Variants in PCDH15 observed in about 807,000 individuals in gnomAD.
PCDH15 encodes the protein protocadherin related 15.
PCDH15 carries 129 observed loss-of-function variants against 178.5 expected under a neutral mutation model. The observed-to-expected ratio is 0.72, with a 90% CI of 0.63 to 0.84. PCDH15 has a LOEUF of 0.84. PCDH15 is among the 40% of genes least tolerant of loss of function. The probability of loss-of-function intolerance (pLI) is 0.00; values close to 1 mark genes in which losing one functional copy is unlikely to be tolerated. For missense variants in PCDH15, 2,230 were observed against 2,099.9 expected (o/e 1.06, Z -1.21); for synonymous variants, 800 against 732.0 (o/e 1.09, Z -1.50).
chr10:55,015,527 T>G (rs1056131128), intron 2 of PCDH15, among the ~76,000 whole-genome samples: 3 of 152,204 alleles, frequency 2.0e-5, no homozygotes, highest in African/African-American at 7.2e-5. Flanking sequence ...TAAGCGAGGA[T>G]AGGTCCAATT....
At chr10:54,030,065 T>C (rs574921783) in intron 18 of PCDH15, among the ~76,000 whole-genome samples, 1 of 152,252 alleles carries the variant, frequency 6.6e-6, no homozygotes, top group Non-Finnish European at 1.5e-5. Flanking sequence ...GAAAATTTTA[T>C]GACAAAAATC....
In PCDH15 at chr10:54,433,210, A is replaced by C. The variant is rs546262740; in HGVS notation, c.158-54268T>G. Among the ~76,000 whole-genome samples, 11 of 152,228 alleles carry C rather than the reference A, an allele frequency of 7.2e-5. No homozygotes were observed. The South Asian group carries it at 2.3e-3, about 32-fold the overall frequency. ...GAGCCACCACATGACCCAGAAATTC[A>C]AATTTTAGGTATAAACACAAAAGAA... On this transcript the variant is annotated intron_variant, in intron 3 of 37. Coordinates refer to ENST00000644397, the MANE Select transcript of PCDH15 (RefSeq NM_001384140.1).
At chr10:55,316,989 C>T (rs1467603505) in intron 1 of PCDH15, among the ~76,000 whole-genome samples, 1 of 152,096 alleles carries the variant, frequency 6.6e-6, no homozygotes, top group South Asian at 2.1e-4. Context: ...CATCTTTACC[C>T]ATATAAATCA....
chr10:53,810,846 G>C (rs2075838413), intron 36 of PCDH15, among the ~76,000 whole-genome samples, 182 bp from the exon 37 acceptor site: 1 of 152,066 alleles, frequency 6.6e-6, no homozygotes, highest in African/African-American at 2.4e-5. Flanking sequence ...CTGATGACCA[G>C]TGATTTTTGC....
chr10:54,249,725 G>A (rs2056306234), intron 8 of PCDH15, among the ~76,000 whole-genome samples: 1 of 151,598 alleles, frequency 6.6e-6, no homozygotes. Flanking sequence ...TGAAAATTAT[G>A]TGAATATCAA....
At chr10:55,571,041 C>T (rs1842399304) in intron 2 of PCDH15, among the ~76,000 whole-genome samples, 1 of 152,046 alleles carries the variant, frequency 6.6e-6, no homozygotes, top group African/African-American at 2.4e-5. Flanking sequence ...CTGTGATCCC[C>T]AGGTCCGTTG....
Position 54,887,628 on chromosome 10 carries a change from C to T in PCDH15, c.-29+9822G>A, listed in dbSNP as rs1954381715. Reference sequence around the variant, plus strand: ...ATGAGAATAAATTATAAACTATTCTCTATTAGATATAATTAAGAAGAAATG... The same window carrying T: ...ATGAGAATAAATTATAAACTATTCTTTATTAGATATAATTAAGAAGAAATG... On this transcript the variant is annotated intron_variant, in intron 3 of 5. Transcript: ENST00000458638. Among the ~76,000 whole-genome samples the T allele has an allele frequency of 2.0e-5, 3 of 151,994 alleles. No individual in the cohort carries two copies. In the South Asian group the frequency reaches 6.2e-4, roughly 32 times the overall value.
At chr10:55,076,698 A>G (rs1841897118) in intron 2 of PCDH15, among the ~76,000 whole-genome samples, 1 of 150,728 alleles carries the variant, frequency 6.6e-6, no homozygotes, top group African/African-American at 2.4e-5. Flanking sequence ...AACTCAGGCA[A>G]TCCACTCACT....
chr10:54,200,379 C>A (rs1005021124), intron 10 of PCDH15, among the ~76,000 whole-genome samples: 8 of 144,902 alleles, frequency 5.5e-5, no homozygotes, highest in African/African-American at 2.0e-4. Flanking sequence ...TGCCCATCAA[C>A]CAGTCATCTA....
intron 16 of PCDH15, among the ~76,000 whole-genome samples, chr10:54,089,614 T>C (rs1335620688): frequency 1.3e-5 from 2 of 152,206 alleles, no homozygotes; most frequent in African/African-American, 4.8e-5. Context: ...AAGGATGTGT[T>C]TGTAACACAT....
At chr10:54,470,705 C>T (rs547876696) in intron 3 of PCDH15, among the ~76,000 whole-genome samples, 2 of 152,258 alleles carry the variant, frequency 1.3e-5, no homozygotes, top group East Asian at 3.9e-4. Context: ...TTTCTCCAGA[C>T]TAAGGAGCCT....
At chr10:53,956,666 C>T (rs1373200550) in intron 23 of PCDH15, among the ~76,000 whole-genome samples, 1 of 152,010 alleles carries the variant, frequency 6.6e-6, no homozygotes, top group Non-Finnish European at 1.5e-5. Context: ...TATTAATACA[C>T]AGTAGGATGC....
chr10:54,935,339 A>G (rs1564643398), intron 2 of PCDH15, among the ~76,000 whole-genome samples: 1 of 152,180 alleles, frequency 6.6e-6, no homozygotes. Flanking sequence ...TTGAGAGCTA[A>G]CTGAATGCAT....
chr10:54,490,756 G>A (rs1418557005), intron 3 of PCDH15, among the ~76,000 whole-genome samples: 1 of 152,032 alleles, frequency 6.6e-6, no homozygotes, highest in Non-Finnish European at 1.5e-5. Flanking sequence ...CATATTAACT[G>A]AATATTTCAT....
intron 16 of PCDH15, among the ~76,000 whole-genome samples, chr10:54,088,446 G>C (rs1345121271): frequency 2.0e-5 from 3 of 152,008 alleles, no homozygotes; most frequent in South Asian, 2.1e-4. Context: ...ATGTATTCTT[G>C]AGACATGTTT....
intron 1 of PCDH15, among the ~76,000 whole-genome samples, chr10:54,720,692 A>C (rs1170309346): frequency 8.5e-6 from 1 of 117,402 alleles, no homozygotes; most frequent in African/African-American, 3.5e-5. Flanking sequence ...AGGTTTAACT[A>C]TCTATCCTAA....
intron 25 of PCDH15, among the ~76,000 whole-genome samples, chr10:53,910,344 C>T (rs2082991413): frequency 6.6e-6 from 1 of 152,098 alleles, no homozygotes; most frequent in Non-Finnish European, 1.5e-5. Context: ...TGTGCTGAAG[C>T]CTCCGCTGGT....
chr10:54,371,914 A>AC (rs1947735614), intron 4 of PCDH15, among the ~76,000 whole-genome samples: 1 of 151,868 alleles, frequency 6.6e-6, no homozygotes, highest in African/African-American at 2.4e-5. Context: ...AGAACAGACT[A>AC]TTCTATAAAA....
At chr10:55,314,577 A>G in intron 1 of PCDH15, among the ~76,000 whole-genome samples, 1 of 83,694 alleles carries the variant, frequency 1.2e-5, no homozygotes, top group Non-Finnish European at 2.3e-5. Context: ...GAGCTCTCTA[A>G]ACAAAAAAAA....
Sources: allele counts gnomAD v4.1 joint callset (sites outside exome capture counted in the v4.1 genomes callset), GRCh38; gene constraint gnomAD v4.1.1; transcripts MANE v1.5; gene names NCBI Gene and HGNC (gene_info 2026-07-23, HGNC 2026-07-21).